The following CCNE2 variants were observed in gnomAD, a reference collection of about 807,000 sequenced individuals.
CCNE2 encodes the protein cyclin E2.
In CCNE2, 18 loss-of-function variants were observed where a neutral mutation model predicts 56.8. The observed-to-expected ratio is 0.32, with a 90% CI of 0.22 to 0.47. The LOEUF is 0.47. Among genes scored for constraint, CCNE2 ranks in the 20% least tolerant of loss-of-function variants. CCNE2 has a pLI of 1.00. For missense variants in CCNE2, 371 were observed against 467.1 expected (o/e 0.79, Z 1.90); for synonymous variants, 139 against 149.2 (o/e 0.93, Z 0.50).
intron 6 of CCNE2, among the ~76,000 whole-genome samples, chr8:94,889,899 A>G (rs1817167327): frequency 6.6e-6 from 1 of 152,226 alleles, no homozygotes; most frequent in African/African-American, 2.4e-5. Context: ...AATTAATGGT[A>G]TATTTCGGAA....
At chr8:94,892,778 C>A in intron 5 of CCNE2, 40 bp downstream of exon 5, 2 of 1,173,748 alleles carry the variant, frequency 1.7e-6, no homozygotes, top group South Asian at 1.8e-5. Flanking sequence ...ATCAGCACAA[C>A]TTTATATCTT....
intron 8 of CCNE2, 92 bp from the exon 9 acceptor site, chr8:94,885,293 T>A: frequency 1.6e-6 from 2 of 1,256,108 alleles, no homozygotes; most frequent in Non-Finnish European, 2.3e-6. Context: ...ACATTCCCCA[T>A]CCAACCATAA....
rs1234073460 is a variant in CCNE2 at position 94,885,104 on chromosome 8, G to A, written c.794C>T (p.Pro265Leu). The stretch of plus-strand genomic sequence containing the variant: ...AATGAATGTTTCCTGAGAATACTGA[G>A]GTAGAAGAACTTTAGGAGCATCTTT... The part of the protein sequence containing the change: ...ALKDAPKVLL[P>L]QYSQETFIQI... The change falls in exon 9 of 12, where the codon CCT (proline) becomes CTT (leucine). Residue 265 changes from proline to leucine, a missense_variant. By Grantham distance (98) the Pro-to-Leu change is moderately conservative. Coordinates refer to ENST00000308108, the MANE Select transcript of CCNE2 (RefSeq NM_057749.3). 1 of 1,613,248 alleles carries A rather than the reference G, an allele frequency of 6.2e-7. No individual in the cohort carries two copies.
intron 5 of CCNE2, chr8:94,892,001 T>C: frequency 1.1e-6 from 1 of 887,716 alleles, no homozygotes. Flanking sequence ...GAAATGATCT[T>C]TAGTGAAAAG....
At chr8:94,889,246 AG>A (rs1241808455) in intron 6 of CCNE2, among the ~76,000 whole-genome samples, 1 of 152,206 alleles carries the variant, frequency 6.6e-6, no homozygotes, top group African/African-American at 2.4e-5. Context: ...ATAAATTAAT[AG>A]ATTTTCAAAT....
upstream of CCNE2, among the ~76,000 whole-genome samples, chr8:94,895,479 C>T (rs773634911): frequency 1.3e-5 from 2 of 152,164 alleles, no homozygotes; most frequent in Non-Finnish European, 2.9e-5. Flanking sequence ...TTCTCCCCGC[C>T]GCCTGGCTCG....
chr8:94,895,335 T>G (rs1034958424), upstream of CCNE2: 4 of 827,584 alleles, frequency 4.8e-6, no homozygotes, highest in Non-Finnish European at 5.8e-6. Context: ...CGCCGCGCCC[T>G]GCTCTCAGTG....
intron 9 of CCNE2, chr8:94,883,795 A>G (rs896941150): frequency 2.5e-6 from 1 of 403,608 alleles, no homozygotes; most frequent in Non-Finnish European, 5.3e-6. Context: ...CTGAACTAGT[A>G]GCAGTGGAAT....
chr8:94,889,790 C>G (rs1817163448), intron 6 of CCNE2, among the ~76,000 whole-genome samples: 1 of 152,046 alleles, frequency 6.6e-6, no homozygotes, highest in South Asian at 2.1e-4. Flanking sequence ...ATTTTAGAAA[C>G]TTTTTTAGAG....
chr8:94,893,317 CTTT>C (rs11290412), intron 4 of CCNE2, among the ~76,000 whole-genome samples: 1 of 139,370 alleles, frequency 7.2e-6, no homozygotes. Context: ...TAGCAGGGAC[CTTT>C]TTTTTTTTTT....
intron 1 of CCNE2, chr8:94,894,532 G>T: frequency 2.6e-6 from 1 of 384,990 alleles, no homozygotes. Flanking sequence ...TCCTCAAACG[G>T]GTTTTTCTGG....
intron 5 of CCNE2, 132 bp from the exon 6 acceptor site, chr8:94,890,682 T>G (rs1817207517): frequency 4.5e-6 from 1 of 222,662 alleles, no homozygotes; most frequent in Admixed American, 5.9e-5. Context: ...AATCTCCACC[T>G]CCTGGGTTCA....
chr8:94,881,315 A>AAGAT lies in CCNE2; in HGVS notation c.*313_*316dup. The stretch of plus-strand genomic sequence containing the variant: ...CCAGTGACAAAATTCCTAGTTTATC[A>AAGAT]AGATAAACACAGTAACACTGGATTA... On this transcript the variant is annotated 3_prime_UTR_variant, in exon 12 of 12. Coordinates refer to ENST00000308108, the MANE Select transcript of CCNE2 (RefSeq NM_057749.3). 1 of 364,444 alleles carries AAGAT rather than the reference A, an allele frequency of 2.7e-6. No homozygotes were observed. The highest frequency in any genetic ancestry group is 4.3e-5 in the East Asian group (1 of 23,154). 22.6% of individuals were successfully genotyped at this position (364,444 alleles called of 1,614,324 possible). A position where few individuals can be genotyped will look rare whatever the true frequency, so the allele number is the denominator to read the frequency against.
At position 94,882,231 on chromosome 8, in the gene CCNE2, T is replaced by C; in HGVS notation, c.1002A>G (p.Val334=). 6.2e-7 allele frequency: 1 copy of C among 1,612,774 alleles called. No individual in the cohort carries two copies. Among genetic ancestry groups the C allele is most frequent in the Non-Finnish European group, 8.5e-7 (1 of 1,179,184 alleles). ...CVDWMVPFVN[V]VKSTSPVKLK... is the part of the protein sequence containing the mutation. Reference sequence around the variant, plus strand: ...GCTTCACTGGACTAGTACTTTTTACTACATTGACAAAAGGTACCATCCAAT... The same window carrying C: ...GCTTCACTGGACTAGTACTTTTTACCACATTGACAAAAGGTACCATCCAAT... The change falls in exon 11 of 12, where the codon GTA becomes GTG. Residue 334 remains valine, a synonymous_variant. Coordinates refer to ENST00000308108, the MANE Select transcript of CCNE2 (RefSeq NM_057749.3).
At chr8:94,889,545 G>A (rs1009899174) in intron 6 of CCNE2, among the ~76,000 whole-genome samples, 7 of 152,132 alleles carry the variant, frequency 4.6e-5, no homozygotes, top group African/African-American at 1.7e-4. Flanking sequence ...TTTCCTTCTA[G>A]TCAGAATAAG....
Position 94,882,764 on chromosome 8 carries a change from C to T in CCNE2, c.943+17G>A. On this transcript the variant is annotated intron_variant, in intron 10 of 11. Coordinates refer to ENST00000308108, the MANE Select transcript of CCNE2 (RefSeq NM_057749.3). ...AAGTTGTGAAAAGGTAAGAAGACAA[C>T]AAATAGAGAGTCTTACCTGAGGCTT... 1.3e-6 allele frequency: 2 copies of T among 1,529,326 alleles called. No individual in the cohort carries two copies. Among genetic ancestry groups the T allele is most frequent in the Non-Finnish European group, 1.8e-6 (2 of 1,103,274 alleles). The allele number at this position is 1,529,326 out of a possible 1,614,324, so 94.7% of individuals were successfully genotyped here.
intron 6 of CCNE2, among the ~76,000 whole-genome samples, chr8:94,889,294 A>G (rs778804867): frequency 2.0e-5 from 3 of 152,248 alleles, no homozygotes; most frequent in Non-Finnish European, 4.4e-5. Context: ...TGAAGAATAC[A>G]CTAAGATAGA....
Position 94,880,764 on chromosome 8 carries a change from TAA to T in CCNE2, c.*866_*867del. 6.1e-6 allele frequency: 2 copies of T among 326,598 alleles called. No homozygotes were observed. The highest frequency in any genetic ancestry group is 1.1e-5 in the Non-Finnish European group (2 of 180,982). The allele number at this position is 326,598 out of a possible 1,614,324, so 20.2% of individuals were successfully genotyped here. A position where few individuals can be genotyped will look rare whatever the true frequency, so the allele number is the denominator to read the frequency against. ...AAATAAAGCCTTAGTCACACTAAAT[TAA>T]AAAAAAAAATTCCTTAGGGATATCT... On this transcript the variant is annotated 3_prime_UTR_variant, in exon 12 of 12. Coordinates refer to ENST00000308108, the MANE Select transcript of CCNE2 (RefSeq NM_057749.3).
intron 1 of CCNE2, 91 bp downstream of exon 1, chr8:94,895,086 T>G (rs1817434859): frequency 1.3e-6 from 1 of 749,558 alleles, no homozygotes; most frequent in Non-Finnish European, 1.6e-6. Context: ...CCTCCCGATT[T>G]TCCTCCCTGA....
Sources: gnomAD v4.1 joint callset for allele counts (sites outside exome capture counted in the v4.1 genomes callset) on GRCh38, gnomAD v4.1.1 for gene constraint, MANE v1.5 for transcripts, NCBI Gene and HGNC (gene_info 2026-07-23, HGNC 2026-07-21) for gene names.